The following TBC1D9 variants were observed in gnomAD, a reference collection of about 807,000 sequenced individuals.
TBC1D9 encodes the protein TBC1 domain family member 9.
In TBC1D9, 63 loss-of-function variants were observed where a neutral mutation model predicts 132.0. That is an observed-to-expected ratio of 0.48 (90% CI 0.39 to 0.59). The LOEUF is 0.59. Ranked by LOEUF, TBC1D9 falls within the 20% of genes least tolerant of loss-of-function variation. The pLI is 0.00. For synonymous variants in TBC1D9, 610 were observed against 609.9 expected, an observed-to-expected ratio of 1.00 and a Z score of 0.00; for missense variants, 1,261 against 1,592.7, an observed-to-expected ratio of 0.79 and a Z score of 3.54.
chr4:140,646,039 C>A (rs1737098747), intron 13 of TBC1D9, among the ~76,000 whole-genome samples: 1 of 152,208 alleles, frequency 6.6e-6, no homozygotes, highest in Non-Finnish European at 1.5e-5. Flanking sequence ...CTTAGTAAAT[C>A]TATCACCACT....
chr4:140,622,727 C>G lies in TBC1D9; in HGVS notation c.3269G>C (p.Gly1090Ala). The change falls in exon 21 of 21, where the codon GGC becomes GCC. Residue 1090 changes from glycine to alanine, a missense_variant. By Grantham distance (60) the Gly-to-Ala change is moderately conservative. Transcript: ENST00000442267. ...SGGSGPSCHQGIPGVLFPKKG... is the reference protein window; with the variant it reads ...SGGSGPSCHQAIPGVLFPKKG... ...CTTGGGGAAGAGCACGCCTGGGATG[C>G]CCTGGTGGCAGGACGGCCCACTGCC... The G allele has an allele frequency of 1.9e-6, 3 of 1,609,368 alleles. No homozygotes were observed. Among genetic ancestry groups the G allele is most frequent in the Non-Finnish European group, 2.5e-6 (3 of 1,179,682 alleles).
At chr4:140,698,929 G>A (rs1036560978) in intron 2 of TBC1D9, among the ~76,000 whole-genome samples, 10 of 152,126 alleles carry the variant, frequency 6.6e-5, no homozygotes, top group African/African-American at 2.4e-4. Flanking sequence ...AAATGGAACT[G>A]TAAGGCACTG....
intron 13 of TBC1D9, chr4:140,644,960 G>A (rs1440362485): frequency 4.4e-6 from 2 of 456,286 alleles, no homozygotes; most frequent in Non-Finnish European, 8.7e-6. Flanking sequence ...GAGGTCCCAA[G>A]CCCCAGGGGT....
At chr4:140,744,362 A>G (rs1418320738) in intron 1 of TBC1D9, among the ~76,000 whole-genome samples, 1 of 152,080 alleles carries the variant, frequency 6.6e-6, no homozygotes, top group Non-Finnish European at 1.5e-5. Flanking sequence ...AAACCAAAAA[A>G]CTAGTTCAGG....
intron 8 of TBC1D9, 116 bp from the exon 9 acceptor site, chr4:140,669,183 G>T: frequency 9.4e-7 from 1 of 1,064,804 alleles, no homozygotes; most frequent in Non-Finnish European, 1.3e-6. Context: ...CCAGAAAGAA[G>T]TCATGAGAAA....
chr4:140,696,102 C>T (rs1454047058), intron 2 of TBC1D9, among the ~76,000 whole-genome samples: 1 of 152,094 alleles, frequency 6.6e-6, no homozygotes, highest in Non-Finnish European at 1.5e-5. Context: ...TAAAGTTCTC[C>T]ATGTCAAGGA....
intron 1 of TBC1D9, among the ~76,000 whole-genome samples, chr4:140,708,145 CA>C (rs1738176488): frequency 6.6e-6 from 1 of 152,062 alleles, no homozygotes; most frequent in Non-Finnish European, 1.5e-5. Flanking sequence ...TGGGAGAAAC[CA>C]GAATTATTTT....
intron 1 of TBC1D9, among the ~76,000 whole-genome samples, chr4:140,742,993 GAAGGAAGGAGAGAGA>G (rs1738784089): frequency 6.6e-6 from 1 of 151,964 alleles, no homozygotes; most frequent in Non-Finnish European, 1.5e-5. Flanking sequence ...AAAAGGAAGG[GAAGGAAGGAGAGAGA>G]AAGGAAGGGA....
intron 2 of TBC1D9, among the ~76,000 whole-genome samples, chr4:140,689,778 C>T (rs1309969474): frequency 2.3e-5 from 3 of 129,662 alleles, no homozygotes; most frequent in South Asian, 2.8e-4. Context: ...GACAGAGTCA[C>T]GCTCTGTTGC....
chr4:140,672,904 A>C (rs1323697138), intron 6 of TBC1D9, among the ~76,000 whole-genome samples: 1 of 152,238 alleles, frequency 6.6e-6, no homozygotes, highest in Non-Finnish European at 1.5e-5. Context: ...TCACGCCTGT[A>C]ATCCCAGCAC....
intron 1 of TBC1D9, among the ~76,000 whole-genome samples, chr4:140,708,675 C>T (rs1352663132): frequency 1.3e-5 from 2 of 152,048 alleles, no homozygotes; most frequent in African/African-American, 4.8e-5. Context: ...ATAAATGCGC[C>T]AGAGTTCCTA....
chr4:140,642,088 G>T, intron 13 of TBC1D9: 1 of 714,900 alleles, frequency 1.4e-6, no homozygotes, highest in South Asian at 1.5e-5. Flanking sequence ...GGCGGAGGAG[G>T]GGGTGTGTGC....
chr4:140,753,107 C>G (rs1287045754), intron 1 of TBC1D9, among the ~76,000 whole-genome samples: 3 of 152,184 alleles, frequency 2.0e-5, no homozygotes, highest in African/African-American at 7.2e-5. Flanking sequence ...TTGCCTCCAC[C>G]TCCAAGACCC....
rs1300910756 is a variant in TBC1D9 at position 140,622,133 on chromosome 4, C to T, written c.*62G>A. On this transcript the variant is annotated 3_prime_UTR_variant, in exon 21 of 21. Coordinates refer to ENST00000442267, the MANE Select transcript of TBC1D9 (RefSeq NM_015130.3). ...AAAGAAAGAAAGAAAAAACTCAACA[C>T]AGAAGAACATAAAAAATCCCTCCCC... The T allele has an allele frequency of 3.9e-5, 58 of 1,503,548 alleles. 1 individual carries two copies. The highest frequency in any genetic ancestry group is 8.9e-5 in the Admixed American group (4 of 44,756). The allele number at this position is 1,503,548 out of a possible 1,614,324, so 93.1% of individuals were successfully genotyped here.
intron 2 of TBC1D9, among the ~76,000 whole-genome samples, chr4:140,693,149 G>A (rs375033982): frequency 6.6e-6 from 1 of 151,968 alleles, no homozygotes; most frequent in African/African-American, 2.4e-5. Context: ...TTTTAATAGA[G>A]ACAGAGTCTC....
chr4:140,671,712 G>GTGTGTA lies in TBC1D9; in HGVS notation c.1060-787_1060-786insTACACA, dbSNP rs766300047. On this transcript the variant is annotated intron_variant, in intron 6 of 20. Transcript: ENST00000442267. ...TGTGTGTGTGTGTGTGTGTGTGTGT[G>GTGTGTA]TGTGCCGAAGCCTACCACATTGGGG... 8.0e-4 allele frequency among the ~76,000 whole-genome samples: 118 copies of GTGTGTA among 147,780 alleles called. 1 individual carries two copies. The highest frequency in any genetic ancestry group is 2.8e-3 in the African/African-American group (112 of 40,106).
At chr4:140,682,040 A>G (rs181563072) in intron 3 of TBC1D9, among the ~76,000 whole-genome samples, 1 of 152,226 alleles carries the variant, frequency 6.6e-6, no homozygotes, top group African/African-American at 2.4e-5. Context: ...GATGTTCAAT[A>G]TTACTAAATG....
rs113504276 is a variant in TBC1D9, at chr4:140,693,030, A to T, written c.242-6568T>A. ...ACTCCAGAGTGAGACCCTGTTTCAA[A>T]AAAAAAACAACAAAAAACAACAAAA... is the stretch of plus-strand genomic sequence containing the variant. On this transcript the variant is annotated intron_variant, in intron 2 of 20. Transcript: ENST00000442267. Among the ~76,000 whole-genome samples, 440 of 151,894 alleles carry T rather than the reference A, an allele frequency of 2.9e-3. 3 individuals are homozygous for T. Among genetic ancestry groups the T allele is most frequent in the African/African-American group, 9.3e-3 (384 of 41,508 alleles).
chr4:140,745,699 T>C (rs1738826576), intron 1 of TBC1D9, among the ~76,000 whole-genome samples: 1 of 152,204 alleles, frequency 6.6e-6, no homozygotes. Context: ...TGGTCAACAG[T>C]AGGTTATTAG....
Sources: allele counts gnomAD v4.1 joint callset (sites outside exome capture counted in the v4.1 genomes callset), GRCh38; gene constraint gnomAD v4.1.1; transcripts MANE v1.5; gene names NCBI Gene and HGNC (gene_info 2026-07-23, HGNC 2026-07-21).